Variants in POLK observed in about 807,000 individuals in gnomAD.
The protein encoded by POLK is DNA polymerase kappa, also known as polymerase (DNA directed) kappa.
In POLK, 76 loss-of-function variants were observed where a neutral mutation model predicts 94.0. The observed-to-expected ratio is 0.81, with a 90% confidence interval of 0.67 to 0.98. The LOEUF (loss-of-function observed/expected upper bound fraction) is 0.98. Ranked by LOEUF, POLK falls within the 50% of genes least tolerant of loss-of-function variation. POLK has a pLI of 0.00. For missense variants in POLK, 954 were observed against 1,010.1 expected, an observed-to-expected ratio of 0.94 and a Z score of 0.75; for synonymous variants, 349 against 325.4, an observed-to-expected ratio of 1.07 and a Z score of -0.78.
intron 4 of POLK, among the ~76,000 whole-genome samples, chr5:75,573,127 T>C (rs1004404056): frequency 2.6e-5 from 4 of 152,116 alleles, no homozygotes; most frequent in East Asian, 1.9e-4. Flanking sequence ...TGTCCAACAA[T>C]GATAGACTGG....
chr5:75,573,057 T>C (rs1157724516), intron 4 of POLK, among the ~76,000 whole-genome samples: 1 of 152,154 alleles, frequency 6.6e-6, no homozygotes, highest in Non-Finnish European at 1.5e-5. Flanking sequence ...TAAAGACACA[T>C]GCACACATAT....
intron 1 of POLK, among the ~76,000 whole-genome samples, chr5:75,539,089 T>C (rs1418746351): frequency 6.6e-6 from 1 of 152,212 alleles, no homozygotes; most frequent in African/African-American, 2.4e-5. Flanking sequence ...TGTATTTTTA[T>C]AGCACAGGGT....
upstream of POLK, chr5:75,511,313 T>G (rs761720711): frequency 1.3e-6 from 2 of 1,550,196 alleles, no homozygotes; most frequent in African/African-American, 1.4e-5. Context: ...AAGCGAAGAG[T>G]GCCCGCTCCG....
chr5:75,526,836 C>T (rs996692602), intron 1 of POLK, among the ~76,000 whole-genome samples: 2 of 152,168 alleles, frequency 1.3e-5, no homozygotes, highest in African/African-American at 4.8e-5. Flanking sequence ...CTGCCTCAGC[C>T]TACCAAAGTG....
At chr5:75,526,294 A>G (rs921332691) in intron 1 of POLK, among the ~76,000 whole-genome samples, 14 of 152,260 alleles carry the variant, frequency 9.2e-5, no homozygotes, top group Admixed American at 5.9e-4. Context: ...CACTTTTACT[A>G]CTGCTTTGAC....
intron 1 of POLK, among the ~76,000 whole-genome samples, chr5:75,531,008 C>T (rs748573466): frequency 6.6e-5 from 10 of 151,548 alleles, no homozygotes; most frequent in Admixed American, 2.0e-4. Flanking sequence ...GGAGTTTCAC[C>T]GTGTTAGCCA....
At chr5:75,534,615 T>A (rs1303262327) in intron 1 of POLK, among the ~76,000 whole-genome samples, 1 of 152,164 alleles carries the variant, frequency 6.6e-6, no homozygotes, top group Non-Finnish European at 1.5e-5. Context: ...TCTTCATAGG[T>A]CTCTAAGAAC....
rs545238685 is a variant in POLK at position 75,534,160 on chromosome 5, G to A, written c.-13-12850G>A. Among the ~76,000 whole-genome samples the A allele has an allele frequency of 5.1e-4, 77 of 152,106 alleles. No homozygotes were observed. The South Asian group carries it at 8.3e-3, about 16-fold the overall frequency. On this transcript the variant is annotated intron_variant, in intron 1 of 14. Transcript: ENST00000241436. Reference sequence around the variant, plus strand: ...GCATGCCTGTAGTCCCAGCTACTCAGGAGGCTGAGGCAGGAGAATCACTTG... The same window carrying A: ...GCATGCCTGTAGTCCCAGCTACTCAAGAGGCTGAGGCAGGAGAATCACTTG...
chr5:75,578,406 C>T (rs1160087485), intron 6 of POLK, among the ~76,000 whole-genome samples: 1 of 152,202 alleles, frequency 6.6e-6, no homozygotes, highest in Non-Finnish European at 1.5e-5. Context: ...ATCTGCCCGC[C>T]TCGGCCTTCC....
At chr5:75,603,190 C>T (rs1157513946), downstream of POLK, among the ~76,000 whole-genome samples, 2 of 152,178 alleles carry the variant, frequency 1.3e-5, no homozygotes, top group Non-Finnish European at 2.9e-5. Flanking sequence ...AACTCATCCA[C>T]CTTGTATCCA....
At chr5:75,544,849 A>G (rs979023828) in intron 1 of POLK, among the ~76,000 whole-genome samples, 6 of 152,212 alleles carry the variant, frequency 3.9e-5, no homozygotes, top group African/African-American at 1.4e-4. Context: ...GTAAGGCAAA[A>G]TATAGAGTAA....
intron 1 of POLK, among the ~76,000 whole-genome samples, chr5:75,536,417 A>T (rs966545337): frequency 6.6e-6 from 1 of 152,100 alleles, no homozygotes; most frequent in African/African-American, 2.4e-5. Flanking sequence ...GGAACCCTGG[A>T]TTGGAAGTTC....
chr5:75,587,049 G>A, exon 10 of POLK: 5 of 1,530,404 alleles, frequency 3.3e-6, no homozygotes, highest in Non-Finnish European at 3.6e-6. Context: ...AAAAGTATGA[G>A]CGTTGAGAGG....
chr5:75,515,524 G>A (rs1054469060), intron 1 of POLK, among the ~76,000 whole-genome samples: 17 of 152,100 alleles, frequency 1.1e-4, no homozygotes, highest in African/African-American at 3.9e-4. Context: ...ATCCATTGAT[G>A]GTTGATTCCA....
downstream of POLK, among the ~76,000 whole-genome samples, chr5:75,604,133 G>T (rs1302768624): frequency 6.6e-6 from 1 of 152,174 alleles, no homozygotes; most frequent in Admixed American, 6.5e-5. Flanking sequence ...AGACAGAATG[G>T]TGGCTAAGGG....
At chr5:75,521,021 T>G (rs973577548) in intron 1 of POLK, among the ~76,000 whole-genome samples, 1 of 152,222 alleles carries the variant, frequency 6.6e-6, no homozygotes, top group South Asian at 2.1e-4. Flanking sequence ...ATTTGCTTTT[T>G]TTTAACTTGC....
At chr5:75,556,747 G>A (rs965457075) in intron 3 of POLK, among the ~76,000 whole-genome samples, 108 of 143,892 alleles carry the variant, frequency 7.5e-4, no homozygotes, top group African/African-American at 2.8e-3. Context: ...ATATCCAATT[G>A]TTCCAGCACA....
chr5:75,516,445 TTAAAA>T (rs1333660761), intron 1 of POLK, among the ~76,000 whole-genome samples: 1 of 152,096 alleles, frequency 6.6e-6, no homozygotes, highest in Admixed American at 6.6e-5. Flanking sequence ...AGTTTAAAAA[TTAAAA>T]TAAAATTAAA....
chr5:75,539,965 G>T (rs1417190199), intron 1 of POLK, among the ~76,000 whole-genome samples: 1 of 152,090 alleles, frequency 6.6e-6, no homozygotes, highest in African/African-American at 2.4e-5. Context: ...TTTGAACAGG[G>T]TTATGTTGCT....
Sources: allele counts gnomAD v4.1 joint callset (sites outside exome capture counted in the v4.1 genomes callset), GRCh38; gene constraint gnomAD v4.1.1; transcripts MANE v1.5; gene names NCBI Gene and HGNC (gene_info 2026-07-23, HGNC 2026-07-21).